The following SOS1 variants were observed in gnomAD, a reference collection of about 807,000 sequenced individuals.
The protein encoded by SOS1 is son of sevenless homolog 1.
A neutral mutation model predicts 157.6 loss-of-function variants in SOS1; 25 were observed. The observed-to-expected ratio is 0.16, with a 90% confidence interval of 0.12 to 0.22. The LOEUF (loss-of-function observed/expected upper bound fraction) is 0.22, where lower values mean the gene tolerates loss of function less well. Ranked by LOEUF, SOS1 falls within the 10% of genes least tolerant of loss-of-function variation. SOS1 has a pLI of 1.00. For missense variants in SOS1, 1,237 were observed against 1,599.1 expected, an observed-to-expected ratio of 0.77 and a Z score of 3.86; for synonymous variants, 528 against 534.0, an observed-to-expected ratio of 0.99 and a Z score of 0.16.
intron 17 of SOS1, among the ~76,000 whole-genome samples, chr2:38,998,155 G>A (rs142401099): frequency 1.9e-4 from 29 of 152,156 alleles, no homozygotes; most frequent in Admixed American, 1.6e-3. Context: ...GGAGGAGAAT[G>A]AACAAAATAA....
chr2:39,089,342 C>T (rs1243242021), intron 1 of SOS1, among the ~76,000 whole-genome samples: 3 of 152,072 alleles, frequency 2.0e-5, no homozygotes, highest in Non-Finnish European at 4.4e-5. Context: ...ACTAGACTGG[C>T]CAACATGGTG....
chr2:39,088,910 C>G (rs558673837), intron 1 of SOS1, among the ~76,000 whole-genome samples: 5 of 152,120 alleles, frequency 3.3e-5, no homozygotes, highest in African/African-American at 1.2e-4. Flanking sequence ...GAAGCTATAC[C>G]ATTTTAGATT....
chr2:38,995,623 A>C (rs1411290328), intron 19 of SOS1, among the ~76,000 whole-genome samples: 2 of 152,252 alleles, frequency 1.3e-5, no homozygotes, highest in African/African-American at 4.8e-5. Context: ...TTTTAGTCCT[A>C]TAAATACTAG....
chr2:39,060,179 A>G (rs189451564), intron 2 of SOS1, among the ~76,000 whole-genome samples: 3 of 152,336 alleles, frequency 2.0e-5, no homozygotes, highest in East Asian at 3.9e-4. Context: ...TTTTCAGTTA[A>G]AATGTTTATA....
At chr2:38,997,226 T>C (rs1297342575) in intron 18 of SOS1, 27 bp downstream of exon 18, 41 of 1,553,972 alleles carry the variant, frequency 2.6e-5, no homozygotes, top group Non-Finnish European at 3.6e-5. Context: ...TAATCAGAAG[T>C]ATGAATCTTT....
At chr2:39,047,957 C>A (rs1411577100) in intron 6 of SOS1, among the ~76,000 whole-genome samples, 1 of 152,052 alleles carries the variant, frequency 6.6e-6, no homozygotes, top group South Asian at 2.1e-4. Context: ...CATGAGCTAC[C>A]GTGCCCAGCC....
At chr2:39,025,473 C>A (rs1363258483) in intron 8 of SOS1, among the ~76,000 whole-genome samples, 1 of 151,910 alleles carries the variant, frequency 6.6e-6, no homozygotes, top group Non-Finnish European at 1.5e-5. Flanking sequence ...CCTCAGCCTC[C>A]CGAGTAGCTG....
intron 2 of SOS1, among the ~76,000 whole-genome samples, chr2:39,065,006 C>T (rs940151102): frequency 2.0e-5 from 3 of 151,736 alleles, no homozygotes; most frequent in Non-Finnish European, 2.9e-5. Context: ...TATCCGCCTG[C>T]TTTGGCCTTC....
At chr2:39,019,413 T>C (rs1300320730) in intron 10 of SOS1, among the ~76,000 whole-genome samples, 1 of 151,902 alleles carries the variant, frequency 6.6e-6, no homozygotes, top group African/African-American at 2.4e-5. Context: ...TTTGTGCATA[T>C]TGCTTTGTGC....
At chr2:39,104,884 T>G (rs1673106265) in intron 1 of SOS1, among the ~76,000 whole-genome samples, 2 of 152,152 alleles carry the variant, frequency 1.3e-5, no homozygotes, top group African/African-American at 2.4e-5. Context: ...AGACAGAAAG[T>G]AGATTAGAAG....
Position 38,997,023 on chromosome 2 carries a change from A to T in SOS1, c.2980T>A (p.Leu994Met). Reference protein sequence around the residue: ...ESDIKRFFENLNPMGNSMEKE... With the variant: ...ESDIKRFFENMNPMGNSMEKE... ...TCCATGCTATTTCCCATCGGATTCA[A>T]GTTTTCAAAGAACCTCTAAAATAAA... Residue 994 changes from leucine to methionine, a missense_variant, in exon 19 of 23, where the codon TTG becomes ATG. Physicochemically the swap from Leu to Met is conservative, Grantham distance 15 (BLOSUM62 2). Transcript: ENST00000402219. The T allele has an allele frequency of 6.4e-7, 1 of 1,567,986 alleles. No homozygotes were observed. The highest frequency in any genetic ancestry group is 8.8e-7 in the Non-Finnish European group (1 of 1,139,346).
In SOS1 at chr2:39,087,931, G is replaced by A. The variant is rs565547273; in HGVS notation, c.88-20178C>T. Among the ~76,000 whole-genome samples, 6 of 151,678 alleles carry A rather than the reference G, an allele frequency of 4.0e-5. No homozygotes were observed. In the South Asian group the frequency reaches 6.3e-4, roughly 16 times the overall value. ...TGGGCTCAAGTAATCCTCCTGCCTC[G>A]GCTTCCCAAAGTGCTGGGATCACAG... On this transcript the variant is annotated intron_variant, in intron 1 of 22. Transcript: ENST00000402219.
chr2:39,093,378 A>G (rs1315521081), intron 1 of SOS1, among the ~76,000 whole-genome samples: 1 of 152,174 alleles, frequency 6.6e-6, no homozygotes, highest in African/African-American at 2.4e-5. Context: ...GGCAATCCAA[A>G]TGACTTGGTA....
At chr2:39,124,569 G>T (rs1304394745), upstream of SOS1, among the ~76,000 whole-genome samples, 1 of 152,266 alleles carries the variant, frequency 6.6e-6, no homozygotes, top group Non-Finnish European at 1.5e-5. Context: ...CCGCGCCTTT[G>T]CCTGCCCTGC....
At chr2:39,032,592 ACAGAG>A (rs1368979737) in intron 8 of SOS1, among the ~76,000 whole-genome samples, 2 of 152,204 alleles carry the variant, frequency 1.3e-5, no homozygotes, top group African/African-American at 4.8e-5. Flanking sequence ...TCCATTCTTC[ACAGAG>A]CAAACAGTTG....
At chr2:39,052,361 T>A (rs1417527008) in intron 5 of SOS1, among the ~76,000 whole-genome samples, 1 of 152,226 alleles carries the variant, frequency 6.6e-6, no homozygotes, top group Non-Finnish European at 1.5e-5. Context: ...AATGTTCTTT[T>A]GGTGAGATTT....
intron 1 of SOS1, among the ~76,000 whole-genome samples, chr2:39,091,235 G>C (rs1318495878): frequency 6.6e-6 from 1 of 152,164 alleles, no homozygotes; most frequent in African/African-American, 2.4e-5. Flanking sequence ...AATGTCCTTT[G>C]TGCAGTGAGA....
At chr2:39,007,515 T>A (rs577332088) in intron 15 of SOS1, 43 of 277,308 alleles carry the variant, frequency 1.6e-4, no homozygotes, top group African/African-American at 8.8e-4. Flanking sequence ...GTCTTTGTGA[T>A]GTGGGTGTAT....
intron 1 of SOS1, among the ~76,000 whole-genome samples, chr2:39,086,477 A>C (rs1672379205): frequency 6.6e-6 from 1 of 152,236 alleles, no homozygotes; most frequent in South Asian, 2.1e-4. Context: ...GCAATTAGCA[A>C]ATAGGCAGTT....
Sources: gnomAD v4.1 joint callset for allele counts (sites outside exome capture counted in the v4.1 genomes callset) on GRCh38, gnomAD v4.1.1 for gene constraint, MANE v1.5 for transcripts, NCBI Gene and HGNC (gene_info 2026-07-23, HGNC 2026-07-21) for gene names.